The following SLC28A1 variants were observed in gnomAD, a reference collection of about 807,000 sequenced individuals.
The protein encoded by SLC28A1 is solute carrier family 28 member 1.
A neutral mutation model predicts 74.8 loss-of-function variants in SLC28A1; 64 were observed. The ratio of observed to expected loss-of-function variants is 0.86; its 90% CI spans 0.70 to 1.05. The LOEUF is 1.05. Among genes scored for constraint, SLC28A1 ranks in the 50% least tolerant of loss-of-function variants. The probability of loss-of-function intolerance (pLI) is 0.00; values close to 1 mark genes in which losing one functional copy is unlikely to be tolerated. For missense variants in SLC28A1, 828 were observed against 822.8 expected (o/e 1.01, Z -0.08); for synonymous variants, 359 against 335.0 (o/e 1.07, Z -0.78).
chr15:84,920,304 G>A (rs1969649826), intron 10 of SLC28A1, among the ~76,000 whole-genome samples: 1 of 152,054 alleles, frequency 6.6e-6, no homozygotes, highest in African/African-American at 2.4e-5. Context: ...AAATTAGCCG[G>A]GCATGGTGGC....
intron 15 of SLC28A1, among the ~76,000 whole-genome samples, chr15:84,941,980 G>A (rs1387188528): frequency 1.3e-5 from 2 of 152,102 alleles, no homozygotes; most frequent in African/African-American, 2.4e-5. Flanking sequence ...ACCTCTCTGA[G>A]CCTCGGTTTA....
chr15:84,947,486 G>A (rs1596378865), downstream of SLC28A1, among the ~76,000 whole-genome samples: 1 of 152,218 alleles, frequency 6.6e-6, no homozygotes, highest in East Asian at 1.9e-4. Flanking sequence ...CTTGAATATA[G>A]GGCTCACACT....
intron 15 of SLC28A1, among the ~76,000 whole-genome samples, chr15:84,941,367 G>A (rs1351945369): frequency 5.3e-5 from 8 of 151,882 alleles, no homozygotes; most frequent in Non-Finnish European, 1.0e-4. Context: ...CACTGTGCCC[G>A]GCTAATTTTT....
At chr15:84,905,825 G>A (rs955087360) in intron 8 of SLC28A1, among the ~76,000 whole-genome samples, 173 bp downstream of exon 8, 3 of 151,974 alleles carry the variant, frequency 2.0e-5, no homozygotes, top group African/African-American at 7.3e-5. Flanking sequence ...AGGCAGTGCA[G>A]CTGCCACTTC....
chr15:84,912,806 GCACACA>G (rs199525878), intron 9 of SLC28A1, among the ~76,000 whole-genome samples: 20,604 of 112,208 alleles, frequency 0.18, 1,803 homozygotes, highest in South Asian at 0.42. Context: ...TTGCGCGCGC[GCACACA>G]CACACACACA....
chr15:84,890,650 A>C, intron 5 of SLC28A1, 116 bp downstream of exon 5: 3 of 857,854 alleles, frequency 3.5e-6, no homozygotes, highest in South Asian at 1.4e-5. Flanking sequence ...TTGAGCACCA[A>C]CTCAGGTCCA....
intron 12 of SLC28A1, 44 bp downstream of exon 12, chr15:84,924,154 A>G: frequency 6.2e-7 from 1 of 1,602,214 alleles, no homozygotes; most frequent in Non-Finnish European, 8.5e-7. Flanking sequence ...GAGGACCTGA[A>G]GCCCATCTTT....
At position 84,911,875 on chromosome 15, in the gene SLC28A1, AAAG is replaced by A. The variant is rs1266037653; in HGVS notation, c.795+3095_795+3097del. Reference sequence around the variant, plus strand: ...CTCCATCTCAAAAAAAAAAAAAAAAAAAGAAGAAGAAGAAGAAAATAAAAATGT... The same window carrying A: ...CTCCATCTCAAAAAAAAAAAAAAAAAAAGAAGAAGAAGAAAATAAAAATGT... On this transcript the variant is annotated intron_variant, in intron 9 of 18. Coordinates refer to ENST00000394573, the MANE Select transcript of SLC28A1 (RefSeq NM_004213.5). Among the ~76,000 whole-genome samples the A allele has an allele frequency of 7.2e-3, 802 of 111,702 alleles. 70 individuals carry two copies. The highest frequency in any genetic ancestry group is 0.017 in the South Asian group (33 of 1,958). The allele number at this position is 111,702 out of a possible 152,430, so 73.3% of individuals were successfully genotyped here.
At chr15:84,959,442 CTTTCATTTTCTCTA>C in the SLC28A1 span, among the ~76,000 whole-genome samples, 2 of 151,828 alleles carry the variant, frequency 1.3e-5, no homozygotes, top group Non-Finnish European at 2.9e-5. Context: ...AATTTTCTCT[CTTTCATTTTCTCTA>C]TTTTCTCTTT....
At chr15:84,935,589 G>C in intron 15 of SLC28A1, 71 bp downstream of exon 15, 1 of 1,353,028 alleles carries the variant, frequency 7.4e-7, no homozygotes, top group Non-Finnish European at 1.0e-6. Flanking sequence ...GCCCCTGGCA[G>C]CTGCTCTCCC....
intron 6 of SLC28A1, among the ~76,000 whole-genome samples, chr15:84,897,812 A>G (rs1226033696): frequency 6.6e-6 from 1 of 152,236 alleles, no homozygotes; most frequent in Non-Finnish European, 1.5e-5. Context: ...AGTCTCTGGT[A>G]ACCACCAAAC....
chr15:84,908,594 C>T lies in SLC28A1; in HGVS notation c.718-124C>T, dbSNP rs576652523. ...CGCACCTTGCCAGGTGGTGCCCCCC[C>T]CCGGATAAGGGCCTGGGGGGACTAC... is the stretch of plus-strand genomic sequence containing the variant. On this transcript the variant is annotated intron_variant, in intron 8 of 18. Coordinates refer to ENST00000394573, the MANE Select transcript of SLC28A1 (RefSeq NM_004213.5). 4.0e-5 allele frequency: 31 copies of T among 779,106 alleles called. 1 individual carries two copies. The highest frequency in any genetic ancestry group is 6.4e-5 in the Non-Finnish European group (29 of 450,462). The allele number at this position is 779,106 out of a possible 1,614,324, so 48.3% of individuals were successfully genotyped here. A position where few individuals can be genotyped will look rare whatever the true frequency, so the allele number is the denominator to read the frequency against.
At chr15:84,930,750 C>T (rs1971173863) in intron 12 of SLC28A1, among the ~76,000 whole-genome samples, 1 of 151,506 alleles carries the variant, frequency 6.6e-6, no homozygotes, top group Non-Finnish European at 1.5e-5. Flanking sequence ...GGATTACAGG[C>T]ACCCACCACC....
At chr15:84,924,171 G>C (rs1025332785) in intron 12 of SLC28A1, 61 bp downstream of exon 12, 18 of 1,555,230 alleles carry the variant, frequency 1.2e-5, no homozygotes, top group Non-Finnish European at 1.5e-5. Flanking sequence ...CTTTGTGGGA[G>C]CCCCACACAG....
the SLC28A1 span, among the ~76,000 whole-genome samples, chr15:84,960,344 C>G: frequency 6.8e-6 from 1 of 147,492 alleles, no homozygotes; most frequent in African/African-American, 2.6e-5. Context: ...CAACCTCCGC[C>G]CCTGCTGAAT....
chr15:84,919,695 G>C (rs1356205119), intron 10 of SLC28A1, among the ~76,000 whole-genome samples: 1 of 152,128 alleles, frequency 6.6e-6, no homozygotes, highest in Non-Finnish European at 1.5e-5. Context: ...TGCAATAACA[G>C]CATTAATCCA....
chr15:84,932,291 T>C (rs920044801), intron 12 of SLC28A1, among the ~76,000 whole-genome samples: 34 of 152,208 alleles, frequency 2.2e-4, no homozygotes, highest in African/African-American at 7.9e-4. Flanking sequence ...GCTTGGTAAA[T>C]GACACAGTGA....
chr15:84,906,908 G>A (rs987308348), intron 8 of SLC28A1, among the ~76,000 whole-genome samples: 55 of 152,198 alleles, frequency 3.6e-4, no homozygotes, highest in Non-Finnish European at 6.9e-4. Context: ...GATCTTAATT[G>A]GCTTTTATTT....
chr15:84,946,099 TATA>T (rs2079207064), downstream of SLC28A1, among the ~76,000 whole-genome samples: 2 of 21,558 alleles, frequency 9.3e-5, no homozygotes, highest in African/African-American at 2.7e-4. Flanking sequence ...TATATATATA[TATA>T]TATATATATA....
Sources: gnomAD v4.1 joint callset for allele counts (sites outside exome capture counted in the v4.1 genomes callset) on GRCh38, gnomAD v4.1.1 for gene constraint, MANE v1.5 for transcripts, NCBI Gene and HGNC (gene_info 2026-07-23, HGNC 2026-07-21) for gene names.